The following YARS1 variants were observed in gnomAD, a reference collection of about 807,000 sequenced individuals.
YARS1 encodes tyrosyl-tRNA synthetase 1, also known as tyrosine--tRNA ligase, cytoplasmic.
A neutral mutation model predicts 62.2 loss-of-function variants in YARS1; 36 were observed. That is an observed-to-expected ratio of 0.58 (90% CI 0.44 to 0.76). The LOEUF (loss-of-function observed/expected upper bound fraction) is 0.76. Ranked by LOEUF, YARS1 falls within the 30% of genes least tolerant of loss-of-function variation. YARS1 has a pLI of 0.00. For synonymous variants in YARS1, 234 were observed against 244.9 expected (o/e 0.96, Z 0.42); for missense variants, 524 against 639.8 (o/e 0.82, Z 1.95).
chr1:32,804,599 C>T (rs887671334), intron 4 of YARS1, among the ~76,000 whole-genome samples: 2 of 144,454 alleles, frequency 1.4e-5, no homozygotes, highest in Admixed American at 6.9e-5. Flanking sequence ...CAGACCGGGT[C>T]GCGGCCGGAC....
intron 6 of YARS1, among the ~76,000 whole-genome samples, chr1:32,789,588 ATTTTTTT>A (rs11318209): frequency 7.3e-6 from 1 of 136,384 alleles, no homozygotes; most frequent in Admixed American, 7.4e-5. Context: ...TGGGCCAGGC[ATTTTTTT>A]TTTTTTTTTT....
intron 3 of YARS1, among the ~76,000 whole-genome samples, chr1:32,807,353 G>T (rs2148615285): frequency 6.6e-6 from 1 of 152,104 alleles, no homozygotes; most frequent in South Asian, 2.1e-4. Context: ...GCCAAACCTG[G>T]GTCCAGTTAC....
chr1:32,801,123 T>C (rs994369144), intron 4 of YARS1, among the ~76,000 whole-genome samples: 20 of 152,026 alleles, frequency 1.3e-4, no homozygotes, highest in Non-Finnish European at 1.0e-4. Flanking sequence ...GGAATTATAA[T>C]GGAAGAAGTA....
At chr1:32,787,676 ATTTTGT>A (rs1653279349) in intron 6 of YARS1, among the ~76,000 whole-genome samples, 1 of 151,808 alleles carries the variant, frequency 6.6e-6, no homozygotes, top group Admixed American at 6.6e-5. Context: ...CGCCCAGCTA[ATTTTGT>A]TTTTGTATTT....
chr1:32,782,433 C>A lies in YARS1; in HGVS notation c.1013G>T (p.Ser338Ile). 6.2e-7 allele frequency: 1 copy of A among 1,614,042 alleles called. No homozygotes were observed. Among genetic ancestry groups the A allele is most frequent in the Non-Finnish European group, 8.5e-7 (1 of 1,179,982 alleles). Reference protein sequence around the residue: ...FNTPALKKLASAAYPDPSKQK... With the variant: ...FNTPALKKLAIAAYPDPSKQK... ...CTTTGAGGGATCTGGGTAGGCAGCG[C>A]TGGCCAGTTTTTTCAGGGCAGGGGT... The change falls in exon 9 of 13, where the codon AGC becomes ATC. Residue 338 changes from serine (S) to isoleucine (I), a missense_variant. Coordinates refer to ENST00000373477, the MANE Select transcript of YARS1 (RefSeq NM_003680.4).
rs1324145064 is a variant in YARS1 at position 32,810,700 on chromosome 1, C to G, written c.271G>C (p.Glu91Gln). 3 of 1,614,150 alleles carry G rather than the reference C, an allele frequency of 1.9e-6. No homozygotes were observed. Among genetic ancestry groups the G allele is most frequent in the Admixed American group, 1.7e-5 (1 of 60,008 alleles). The change falls in exon 3 of 13, where the codon GAA becomes CAA. Residue 91 changes from glutamate to glutamine, a missense_variant. Physicochemically the swap from Glu to Gln is conservative, Grantham distance 29. Transcript: ENST00000373477. ...DNMKAPWELL[E>Q]LRVSYYENVI... ...TTCTCATAGTAACTGACTCGGAGTT[C>G]TAGAAGTTCCCATGGGGCTTTCATG...
chr1:32,780,310 T>C (rs777580175), intron 10 of YARS1, 32 bp from the exon 11 acceptor site: 1 of 1,612,750 alleles, frequency 6.2e-7, no homozygotes, highest in Admixed American at 1.7e-5. Flanking sequence ...AGGAAGAGGA[T>C]CATCGTCCAT....
rs939956712 is a variant in YARS1 at position 32,780,223 on chromosome 1, G to A, written c.1196C>T (p.Pro399Leu). 1 of 1,614,140 alleles carries A rather than the reference G, an allele frequency of 6.2e-7. No individual in the cohort carries two copies. The highest frequency in any genetic ancestry group is 8.5e-7 in the Non-Finnish European group (1 of 1,180,044). Reference protein sequence around the residue: ...VEKIDVGEAEPRTVVSGLVQF... With the variant: ...VEKIDVGEAELRTVVSGLVQF... ...TACCAGGCCGCTCACCACAGTCCGT[G>A]GTTCAGCTTCCCCCACGTCAATCTT... The change falls in exon 11 of 13, where the codon CCA becomes CTA. Residue 399 changes from proline (P) to leucine (L), a missense_variant. Pro to Leu is a moderately conservative substitution (Grantham distance 98). Coordinates refer to ENST00000373477, the MANE Select transcript of YARS1 (RefSeq NM_003680.4).
chr1:32,786,233 A>C (rs761589931), intron 8 of YARS1, 129 bp downstream of exon 8: 2 of 962,476 alleles, frequency 2.1e-6, no homozygotes, highest in African/African-American at 1.6e-5. Context: ...GAGATTACCA[A>C]AAGTAGAGCA....
At chr1:32,786,240 A>G (rs898085338) in intron 8 of YARS1, 122 bp downstream of exon 8, 4 of 994,084 alleles carry the variant, frequency 4.0e-6, no homozygotes, top group Non-Finnish European at 6.2e-6. Flanking sequence ...CCAAAAGTAG[A>G]GCAAAAATAG....
At chr1:32,804,476 C>G (rs1269462967) in intron 4 of YARS1, among the ~76,000 whole-genome samples, 1 of 151,836 alleles carries the variant, frequency 6.6e-6, no homozygotes, top group African/African-American at 2.4e-5. Flanking sequence ...ACTTCCCAGA[C>G]GGGGCGGCTG....
chr1:32,805,828 TG>T (rs1470052056), intron 4 of YARS1, among the ~76,000 whole-genome samples: 1 of 152,110 alleles, frequency 6.6e-6, no homozygotes, highest in Non-Finnish European at 1.5e-5. Flanking sequence ...CCGGGCATGG[TG>T]GCAGGCGCCT....
At chr1:32,778,736 CTTT>C (rs67504155) in intron 12 of YARS1, among the ~76,000 whole-genome samples, 19 of 120,060 alleles carry the variant, frequency 1.6e-4, no homozygotes, top group Admixed American at 1.7e-4. Flanking sequence ...CTTTTCTTTT[CTTT>C]TTTTTTTTTT....
chr1:32,808,821 C>G (rs1284987287), intron 3 of YARS1, among the ~76,000 whole-genome samples: 1 of 152,184 alleles, frequency 6.6e-6, no homozygotes, highest in African/African-American at 2.4e-5. Context: ...GGCCTGCCTG[C>G]TTTGTTTCAG....
intron 1 of YARS1, among the ~76,000 whole-genome samples, chr1:32,815,061 T>G (rs1341487355): frequency 6.6e-6 from 1 of 152,192 alleles, no homozygotes; most frequent in African/African-American, 2.4e-5. Context: ...CTTTAAAACC[T>G]GAGTGAGGCC....
At position 32,776,105 on chromosome 1, in the gene YARS1, A is replaced by G. The variant is rs762938417; in HGVS notation, c.1477-14T>C. On this transcript the variant is annotated splice_polypyrimidine_tract_variant and intron_variant, in intron 12 of 12. Coordinates refer to ENST00000373477, the MANE Select transcript of YARS1 (RefSeq NM_003680.4). The surrounding 1 kb of genome is among the most constrained non-coding windows in gnomAD (Gnocchi z 4.0). ...TTTGAAGTCAGCCTGGACAAGACAG[A>G]TAAGAGAGATTTTAATGATGGTGGT... 5.6e-6 allele frequency: 9 copies of G among 1,604,560 alleles called. No individual in the cohort carries two copies. Among genetic ancestry groups the G allele is most frequent in the Admixed American group, 5.0e-5 (3 of 59,724 alleles).
At chr1:32,810,117 A>AG (rs988115911) in intron 3 of YARS1, among the ~76,000 whole-genome samples, 1 of 152,038 alleles carries the variant, frequency 6.6e-6, no homozygotes, top group African/African-American at 2.4e-5. Context: ...AAAAAAAAAA[A>AG]AAAAGAGTAA....
intron 6 of YARS1, 132 bp from the exon 7 acceptor site, chr1:32,787,207 G>T (rs1653258337): frequency 3.8e-6 from 4 of 1,054,860 alleles, no homozygotes; most frequent in Non-Finnish European, 5.5e-6. Context: ...ATGGCTCACT[G>T]CAGCCTCAGC....
At chr1:32,803,844 T>C (rs1326362864) in intron 4 of YARS1, among the ~76,000 whole-genome samples, 1 of 151,916 alleles carries the variant, frequency 6.6e-6, no homozygotes, top group Non-Finnish European at 1.5e-5. Context: ...CAGATAAACA[T>C]GTGAACAAGG....
Sources: gnomAD v4.1 joint callset for allele counts (sites outside exome capture counted in the v4.1 genomes callset) on GRCh38, gnomAD v4.1.1 for gene constraint, Gnocchi (gnomAD v3.1) non-coding constraint, MANE v1.5 for transcripts, NCBI Gene and HGNC (gene_info 2026-07-23, HGNC 2026-07-21) for gene names.